The following LATS2 variants were observed in gnomAD, a reference collection of about 807,000 sequenced individuals.
LATS2 encodes the protein serine/threonine-protein kinase LATS2.
Under a neutral mutation model 76.0 loss-of-function variants are expected in LATS2, and 24 were observed. The observed-to-expected ratio is 0.32, with a 90% CI of 0.23 to 0.44. The LOEUF is 0.44. Ranked by LOEUF, LATS2 falls within the 20% of genes least tolerant of loss-of-function variation. The probability of loss-of-function intolerance (pLI) is 1.00; values close to 1 mark genes in which losing one functional copy is unlikely to be tolerated. For synonymous variants in LATS2, 692 were observed against 635.4 expected, an observed-to-expected ratio of 1.09 and a Z score of -1.34; for missense variants, 1,286 against 1,481.2, an observed-to-expected ratio of 0.87 and a Z score of 2.16.
chr13:21,029,715 CG>C (rs1872446259), intron 2 of LATS2, among the ~76,000 whole-genome samples: 2 of 151,988 alleles, frequency 1.3e-5, no homozygotes, highest in Admixed American at 1.3e-4. Flanking sequence ...CACTTGAACC[CG>C]GGAGGCAGAG....
intron 2 of LATS2, among the ~76,000 whole-genome samples, chr13:21,023,676 AAAAAAAAC>A (rs1396939308): frequency 0.068 from 1,262 of 18,440 alleles, 330 homozygotes; most frequent in East Asian, 0.17. Flanking sequence ...AAAAAAAAAA[AAAAAAAAC>A]AAACCTCGGC....
At chr13:21,019,476 G>A (rs1176553581) in intron 2 of LATS2, among the ~76,000 whole-genome samples, 1 of 145,592 alleles carries the variant, frequency 6.9e-6, no homozygotes, top group African/African-American at 2.5e-5. Flanking sequence ...ACAGGTGCAC[G>A]CCACCACGCC....
At chr13:21,051,079 C>T (rs779239293) in intron 1 of LATS2, among the ~76,000 whole-genome samples, 29 of 152,210 alleles carry the variant, frequency 1.9e-4, no homozygotes, top group Non-Finnish European at 1.0e-4. Flanking sequence ...GTGACGCATA[C>T]GCCGTGTCAG....
chr13:21,016,041 G>A (rs1347181205), intron 2 of LATS2, among the ~76,000 whole-genome samples: 2 of 151,344 alleles, frequency 1.3e-5, no homozygotes, highest in African/African-American at 4.9e-5. Context: ...TCAGGCTGGA[G>A]TGCAGTGGTA....
At chr13:20,998,944 C>T (rs888038553) in intron 2 of LATS2, among the ~76,000 whole-genome samples, 4 of 150,616 alleles carry the variant, frequency 2.7e-5, no homozygotes, top group Admixed American at 6.6e-5. Context: ...CTTGCGCACA[C>T]GGCGCAAGGG....
intron 2 of LATS2, among the ~76,000 whole-genome samples, chr13:21,043,987 G>C (rs951358894): frequency 1.3e-5 from 2 of 152,204 alleles, no homozygotes; most frequent in African/African-American, 4.8e-5. Context: ...CAAAACTGCT[G>C]GGTTCTGTAC....
intron 1 of LATS2, among the ~76,000 whole-genome samples, chr13:21,058,550 C>T (rs1455632857): frequency 1.3e-5 from 2 of 152,180 alleles, no homozygotes; most frequent in Non-Finnish European, 2.9e-5. Flanking sequence ...CCCACCAACC[C>T]TGTGATTTGC....
chr13:20,986,694 C>G (rs1049211886), intron 4 of LATS2, among the ~76,000 whole-genome samples: 1 of 152,112 alleles, frequency 6.6e-6, no homozygotes, highest in African/African-American at 2.4e-5. Context: ...AAGGAACAAA[C>G]TCTAACTAGT....
intron 2 of LATS2, among the ~76,000 whole-genome samples, chr13:21,032,000 ATGATAGCTGTTTAAATG>A (rs1307925170): frequency 6.6e-6 from 1 of 152,190 alleles, no homozygotes; most frequent in African/African-American, 2.4e-5. Flanking sequence ...TAACCATTTC[ATGATAGCTGTTTAAATG>A]TGCTGTCTGG....
At chr13:21,061,007 T>C (rs537091979) in intron 1 of LATS2, among the ~76,000 whole-genome samples, 9 of 146,466 alleles carry the variant, frequency 6.1e-5, no homozygotes, top group African/African-American at 2.1e-4. Flanking sequence ...CCCGCCGGGA[T>C]CCCGGCCGCC....
intron 2 of LATS2, among the ~76,000 whole-genome samples, chr13:20,998,125 A>C (rs1934778362): frequency 6.6e-6 from 1 of 152,062 alleles, no homozygotes. Flanking sequence ...GGGCTTTGGG[A>C]GGCCAAGGTA....
intron 2 of LATS2, among the ~76,000 whole-genome samples, chr13:21,006,290 A>G (rs1425116843): frequency 6.6e-6 from 1 of 151,814 alleles, no homozygotes; most frequent in East Asian, 1.9e-4. Context: ...TGAGCAGAGA[A>G]AGAAGACCAG....
intron 2 of LATS2, among the ~76,000 whole-genome samples, chr13:21,045,134 C>T (rs973217566): frequency 1.3e-5 from 2 of 152,112 alleles, no homozygotes; most frequent in Non-Finnish European, 2.9e-5. Flanking sequence ...GACGATTTCT[C>T]AAGCTTTTTC....
At chr13:21,018,845 C>A (rs1871916334) in intron 2 of LATS2, among the ~76,000 whole-genome samples, 1 of 152,102 alleles carries the variant, frequency 6.6e-6, no homozygotes. Context: ...AGGGTTTCAC[C>A]ATTTTGGCCA....
intron 2 of LATS2, among the ~76,000 whole-genome samples, chr13:21,017,652 A>C (rs579097): frequency 0.26 from 38,693 of 149,608 alleles, 5,338 homozygotes; most frequent in African/African-American, 0.35. Flanking sequence ...TTTGAGATGG[A>C]GTCTCACTCT....
At chr13:20,980,373 G>C (rs1272216611) in intron 6 of LATS2, among the ~76,000 whole-genome samples, 3 of 152,244 alleles carry the variant, frequency 2.0e-5, no homozygotes, top group African/African-American at 4.8e-5. Context: ...CTGTAGGCTA[G>C]GCTCGTTTAC....
At chr13:21,007,824 A>G (rs1252171350) in intron 2 of LATS2, among the ~76,000 whole-genome samples, 1 of 121,968 alleles carries the variant, frequency 8.2e-6, no homozygotes, top group Admixed American at 9.0e-5. Flanking sequence ...CAGTGGCGCA[A>G]TCTTGGCTCA....
chr13:20,973,537 T>C lies in LATS2; in HGVS notation c.*1333A>G, dbSNP rs2052253784. On this transcript the variant is annotated 3_prime_UTR_variant, in exon 8 of 8. Transcript: ENST00000382592. ...CTCTGTGTGTGTGTGTGTGTGTGTA[T>C]ACACGCACATACATCTATACTTCTA... The C allele has an allele frequency of 8.8e-6, 2 of 228,194 alleles. No individual in the cohort carries two copies. The highest frequency in any genetic ancestry group is 5.7e-5 in the Admixed American group (1 of 17,394). The allele number at this position is 228,194 out of a possible 1,614,324, so 14.1% of individuals were successfully genotyped here.
Position 20,988,280 on chromosome 13 carries a change from G to A in LATS2, c.1500C>T (p.Phe500=). The A allele has an allele frequency of 3.8e-6, 6 of 1,591,568 alleles. No individual in the cohort carries two copies. Among genetic ancestry groups the A allele is most frequent in the South Asian group, 2.2e-5 (2 of 90,228 alleles). ...HALALGGAGA[F]PLDVEYGGPD... ...GGCCTCCGTACTCCACGTCCAGCGGGAAGGCGCCTGCGCCGCCCAGCGCCA... is the reference window on the plus strand; with the variant it reads ...GGCCTCCGTACTCCACGTCCAGCGGAAAGGCGCCTGCGCCGCCCAGCGCCA... Residue 500 remains phenylalanine (F), a synonymous_variant, in exon 4 of 8, where the codon TTC becomes TTT. Transcript: ENST00000382592.
Sources: gnomAD v4.1 joint callset for allele counts (sites outside exome capture counted in the v4.1 genomes callset) on GRCh38, gnomAD v4.1.1 for gene constraint, MANE v1.5 for transcripts, NCBI Gene and HGNC (gene_info 2026-07-23, HGNC 2026-07-21) for gene names.